Variants in NALF1 observed in about 807,000 individuals in gnomAD.
NALF1 encodes family with sequence similarity 155 member A.
A neutral mutation model predicts 48.4 loss-of-function variants in NALF1; 3 were observed. That is an observed-to-expected ratio of 0.06 (90% CI 0.03 to 0.16). The LOEUF is 0.16. NALF1 is among the 10% of genes least tolerant of loss of function. The pLI is 1.00. For missense variants in NALF1, 526 were observed against 571.5 expected (o/e 0.92, Z 0.81); for synonymous variants, 262 against 245.7 (o/e 1.07, Z -0.62).
At chr13:107,827,521 A>C (rs1325974509) in intron 1 of NALF1, among the ~76,000 whole-genome samples, 2 of 152,166 alleles carry the variant, frequency 1.3e-5, no homozygotes, top group Admixed American at 6.5e-5. Context: ...AAACATCCCA[A>C]CATGGGTCTG....
chr13:107,551,005 G>A (rs1054563166), intron 1 of NALF1, among the ~76,000 whole-genome samples: 1 of 151,704 alleles, frequency 6.6e-6, no homozygotes, highest in Non-Finnish European at 1.5e-5. Flanking sequence ...CTGTGGCCCC[G>A]TATGTGGTAC....
chr13:107,263,249 G>GACACACACAC (rs34637583), intron 1 of NALF1, among the ~76,000 whole-genome samples: 3,388 of 138,410 alleles, frequency 0.024, 59 homozygotes, highest in Middle Eastern at 0.034. Flanking sequence ...AATGCTAACA[G>GACACACACAC]ACACACACAC....
intron 1 of NALF1, among the ~76,000 whole-genome samples, chr13:107,329,452 C>T (rs911948469): frequency 1.3e-5 from 2 of 151,904 alleles, no homozygotes; most frequent in African/African-American, 4.8e-5. Context: ...TTTCACTGTC[C>T]AGTAGCTTCA....
intron 1 of NALF1, among the ~76,000 whole-genome samples, chr13:107,296,802 G>A (rs1365955328): frequency 1.3e-5 from 2 of 151,968 alleles, no homozygotes; most frequent in Admixed American, 6.5e-5. Context: ...TTTCAGAGTG[G>A]CAAGAGCTGA....
At chr13:107,178,245 TAATCAACAA>T (rs1436280683) in intron 2 of NALF1, among the ~76,000 whole-genome samples, 2 of 151,734 alleles carry the variant, frequency 1.3e-5, no homozygotes, top group Non-Finnish European at 2.9e-5. Flanking sequence ...GCAAAGAAAA[TAATCAACAA>T]AACGAAGAGA....
chr13:107,598,539 T>C (rs1464886354), intron 1 of NALF1, among the ~76,000 whole-genome samples: 1 of 152,218 alleles, frequency 6.6e-6, no homozygotes, highest in Non-Finnish European at 1.5e-5. Flanking sequence ...AAATTTAATG[T>C]GTCTAAAACC....
rs1879130576 is a variant in NALF1 at position 107,184,401 on chromosome 13, G to A, written c.1088-13615C>T. On this transcript the variant is annotated intron_variant, in intron 2 of 2. Coordinates refer to ENST00000375915, the MANE Select transcript of NALF1 (RefSeq NM_001080396.3). ...ATTTCCTCCTTCAGTTTTGCTTTGT[G>A]TGTTTCAGTTTATTACATTCCCTCT... is the stretch of plus-strand genomic sequence containing the variant. Among the ~76,000 whole-genome samples the A allele has an allele frequency of 2.0e-5, 3 of 152,258 alleles. No homozygotes were observed. In the South Asian group the frequency reaches 6.2e-4, roughly 32 times the overall value.
intron 1 of NALF1, among the ~76,000 whole-genome samples, chr13:107,299,481 A>C (rs1881796982): frequency 6.7e-6 from 1 of 148,700 alleles, no homozygotes; most frequent in Admixed American, 6.7e-5. Context: ...TAAATAAATA[A>C]ATAAATAAAA....
chr13:107,367,153 T>C (rs1261832976), intron 1 of NALF1, among the ~76,000 whole-genome samples: 1 of 152,180 alleles, frequency 6.6e-6, no homozygotes, highest in Non-Finnish European at 1.5e-5. Flanking sequence ...TGCTTACACT[T>C]GGAAAATTAA....
intron 1 of NALF1, among the ~76,000 whole-genome samples, chr13:107,711,558 T>C (rs1328974926): frequency 1.3e-5 from 2 of 152,274 alleles, no homozygotes; most frequent in Middle Eastern, 3.4e-3. Flanking sequence ...CTGGTCTTTA[T>C]AGTGTTCTCT....
At chr13:107,284,907 A>AT (rs35904964) in intron 1 of NALF1, among the ~76,000 whole-genome samples, 26 of 150,874 alleles carry the variant, frequency 1.7e-4, no homozygotes, top group South Asian at 1.5e-3. Context: ...CACCCATCCT[A>AT]TTTTTTTTTT....
chr13:107,639,893 A>G (rs958391122), intron 1 of NALF1, among the ~76,000 whole-genome samples: 3 of 152,174 alleles, frequency 2.0e-5, no homozygotes, highest in Admixed American at 2.0e-4. Flanking sequence ...ATACCTGAGA[A>G]AGGTAGTTGG....
At chr13:107,809,055 A>C (rs1878904626) in intron 1 of NALF1, among the ~76,000 whole-genome samples, 1 of 152,098 alleles carries the variant, frequency 6.6e-6, no homozygotes, top group Admixed American at 6.6e-5. Flanking sequence ...CTCACTCTAG[A>C]AATCCGAGCC....
At chr13:107,504,307 G>C (rs990631816) in intron 1 of NALF1, among the ~76,000 whole-genome samples, 4 of 151,828 alleles carry the variant, frequency 2.6e-5, no homozygotes, top group Admixed American at 2.6e-4. Context: ...GAGTAGGGGA[G>C]GAAATGGAAA....
intron 1 of NALF1, among the ~76,000 whole-genome samples, chr13:107,212,107 T>C (rs1018751027): frequency 2.0e-5 from 3 of 152,206 alleles, no homozygotes; most frequent in African/African-American, 7.2e-5. Flanking sequence ...AAAATCAGCA[T>C]GGCCTTCCAT....
chr13:107,715,368 A>G (rs1875721304), intron 1 of NALF1, among the ~76,000 whole-genome samples: 1 of 151,928 alleles, frequency 6.6e-6, no homozygotes, highest in African/African-American at 2.4e-5. Flanking sequence ...ACAACTGGCT[A>G]ATTTTGTATT....
intron 1 of NALF1, among the ~76,000 whole-genome samples, chr13:107,428,073 G>A (rs974315635): frequency 6.6e-6 from 1 of 152,122 alleles, no homozygotes; most frequent in Non-Finnish European, 1.5e-5. Context: ...AGATCTCTTC[G>A]AAAAGAGGGA....
At chr13:107,505,955 A>G (rs1294984404) in intron 1 of NALF1, among the ~76,000 whole-genome samples, 10 of 152,326 alleles carry the variant, frequency 6.6e-5, no homozygotes, top group African/African-American at 2.4e-4. Flanking sequence ...GCAAGTAGAT[A>G]GTATAAAATG....
At chr13:107,220,779 T>C (rs927226616) in intron 1 of NALF1, among the ~76,000 whole-genome samples, 1 of 151,992 alleles carries the variant, frequency 6.6e-6, no homozygotes, top group African/African-American at 2.4e-5. Context: ...TGAGGGTTTC[T>C]GGAGAAGAGA....
Sources: allele counts gnomAD v4.1 joint callset (sites outside exome capture counted in the v4.1 genomes callset), GRCh38; gene constraint gnomAD v4.1.1; transcripts MANE v1.5; gene names NCBI Gene and HGNC (gene_info 2026-07-23, HGNC 2026-07-21).